EYA4: variants seen among roughly 807,000 people sequenced by gnomAD.
EYA4 encodes the protein protein phosphatase EYA4.
Under a neutral mutation model 87.9 loss-of-function variants are expected in EYA4, and 31 were observed. The ratio of observed to expected loss-of-function variants is 0.35; its 90% CI spans 0.27 to 0.48. The LOEUF (loss-of-function observed/expected upper bound fraction) is 0.48. Among genes scored for constraint, EYA4 ranks in the 20% least tolerant of loss-of-function variants. The pLI is 0.99. For missense variants in EYA4, 678 were observed against 761.4 expected, an observed-to-expected ratio of 0.89 and a Z score of 1.29; for synonymous variants, 263 against 270.6, an observed-to-expected ratio of 0.97 and a Z score of 0.28.
intron 2 of EYA4, among the ~76,000 whole-genome samples, chr6:133,306,484 AT>A (rs1387779910): frequency 6.6e-6 from 1 of 152,208 alleles, no homozygotes; most frequent in African/African-American, 2.4e-5. Context: ...GTTTTTCCAG[AT>A]GAAAAGTGTA....
rs908076894 is a variant in EYA4 at position 133,389,938 on chromosome 6, G to T, written c.83+7497G>T. ...CCTCACCTCTGAATGAATGCAGTAG[G>T]TCTTCACATGGCTTACAGGGTCTAG... On this transcript the variant is annotated intron_variant, in intron 3 of 19. Coordinates refer to ENST00000355286, the MANE Select transcript of EYA4 (RefSeq NM_004100.5). 1.8e-4 allele frequency among the ~76,000 whole-genome samples: 28 copies of T among 152,200 alleles called. 1 individual carries two copies. The highest frequency in any genetic ancestry group is 1.6e-3 in the Admixed American group (24 of 15,282).
At position 133,531,354 on chromosome 6, in the gene EYA4, T is replaced by G. The variant is rs1481527796; in HGVS notation, c.*2549T>G. On this transcript the variant is annotated 3_prime_UTR_variant, in exon 20 of 20. Transcript: ENST00000355286. Reference sequence around the variant, plus strand: ...AAACTAGAACTCTTCCCTTCCCACCTTAGGAATAGAAAATCCTCTTCCTTT... The same window carrying G: ...AAACTAGAACTCTTCCCTTCCCACCGTAGGAATAGAAAATCCTCTTCCTTT... 1.1e-5 allele frequency: 7 copies of G among 641,400 alleles called. No individual in the cohort carries two copies. In the Admixed American group the frequency reaches 1.2e-4, roughly 11 times the overall value. The allele number at this position is 641,400 out of a possible 1,614,324, so 39.7% of individuals were successfully genotyped here.
At chr6:133,368,565 C>T (rs930432182) in intron 2 of EYA4, among the ~76,000 whole-genome samples, 1 of 152,172 alleles carries the variant, frequency 6.6e-6, no homozygotes, top group Non-Finnish European at 1.5e-5. Flanking sequence ...GCTCCAACTG[C>T]TTGAAAGTAT....
Position 133,382,456 on chromosome 6 carries a change from A to G in EYA4, c.83+15A>G. On this transcript the variant is annotated intron_variant, in intron 3 of 19. Coordinates refer to ENST00000355286, the MANE Select transcript of EYA4 (RefSeq NM_004100.5). ...CAGAATTCCAGGTACAGTAAAATAA[A>G]GACCAAGACTCCCCTAAGGAGAATT... is the stretch of plus-strand genomic sequence containing the variant. 6.3e-7 allele frequency: 1 copy of G among 1,583,256 alleles called. No individual in the cohort carries two copies. The highest frequency in any genetic ancestry group is 8.7e-7 in the Non-Finnish European group (1 of 1,151,906).
chr6:133,272,463 G>T (rs1776776557), intron 1 of EYA4, among the ~76,000 whole-genome samples: 2 of 152,210 alleles, frequency 1.3e-5, no homozygotes, highest in South Asian at 4.1e-4. Flanking sequence ...TTTATGGCCA[G>T]ATGGGTCAGA....
At chr6:133,522,512 TG>T (rs1481639004) in intron 17 of EYA4, among the ~76,000 whole-genome samples, 2 of 152,118 alleles carry the variant, frequency 1.3e-5, no homozygotes, top group Non-Finnish European at 2.9e-5. Context: ...AATCTGTATA[TG>T]AACAGAAACA....
rs117787161 is a variant in EYA4 at position 133,421,235 on chromosome 6, G to A, written c.84-25395G>A. 1.0e-3 allele frequency among the ~76,000 whole-genome samples: 158 copies of A among 152,246 alleles called. 1 individual carries two copies. In the East Asian group the frequency reaches 0.023, roughly 22 times the overall value. On this transcript the variant is annotated intron_variant, in intron 3 of 19. Coordinates refer to ENST00000355286, the MANE Select transcript of EYA4 (RefSeq NM_004100.5). Reference sequence around the variant, plus strand: ...AGAACCACTGCTGTTCCTACTACACGCTGATTACAGTTGCACCTGGAGCCA... The same window carrying A: ...AGAACCACTGCTGTTCCTACTACACACTGATTACAGTTGCACCTGGAGCCA...
intron 1 of EYA4, among the ~76,000 whole-genome samples, chr6:133,262,852 T>C (rs1401722052): frequency 1.3e-5 from 2 of 152,238 alleles, no homozygotes; most frequent in Non-Finnish European, 1.5e-5. Flanking sequence ...TTTAAGGAGC[T>C]TGAAGTCAGG....
At chr6:133,509,743 T>C (rs1478593757) in intron 14 of EYA4, among the ~76,000 whole-genome samples, 1 of 152,226 alleles carries the variant, frequency 6.6e-6, no homozygotes, top group East Asian at 1.9e-4. Context: ...GGTCACTTTG[T>C]GAGACAAAAT....
chr6:133,318,875 T>C (rs1780829034), intron 2 of EYA4, among the ~76,000 whole-genome samples: 1 of 152,178 alleles, frequency 6.6e-6, no homozygotes, highest in Non-Finnish European at 1.5e-5. Context: ...CTATTCATGG[T>C]TTTTACGCAC....
At chr6:133,470,023 T>C (rs1185191182) in intron 11 of EYA4, among the ~76,000 whole-genome samples, 1 of 150,912 alleles carries the variant, frequency 6.6e-6, no homozygotes, top group African/African-American at 2.4e-5. Context: ...GCAAAAATTT[T>C]CTCCCATGTT....
chr6:133,495,497 G>A (rs1267564671), intron 13 of EYA4, among the ~76,000 whole-genome samples: 2 of 90,216 alleles, frequency 2.2e-5, no homozygotes, highest in Non-Finnish European at 4.7e-5. Flanking sequence ...GAAGAGAGAG[G>A]TAGGCAAGGG....
intron 11 of EYA4, among the ~76,000 whole-genome samples, chr6:133,469,647 T>C (rs1160070892): frequency 2.6e-5 from 4 of 151,826 alleles, no homozygotes; most frequent in Non-Finnish European, 4.4e-5. Context: ...GACATCTATA[T>C]GCAAAAGAGG....
chr6:133,254,188 GA>G (rs1775154157), intron 1 of EYA4, among the ~76,000 whole-genome samples: 1 of 152,146 alleles, frequency 6.6e-6, no homozygotes, highest in South Asian at 2.1e-4. Flanking sequence ...ATTTCTCGTT[GA>G]GGTTTATGGT....
rs535743704 is a variant in EYA4 at position 133,296,434 on chromosome 6, G to C, written c.33+21621G>C. On this transcript the variant is annotated intron_variant, in intron 2 of 19. Coordinates refer to ENST00000355286, the MANE Select transcript of EYA4 (RefSeq NM_004100.5). ...GGGAAGGATCCAGGAGACCAGTTGG[G>C]AGGCTGTTGCAGTAGTTCAGGCATG... Among the ~76,000 whole-genome samples, 22 of 152,306 alleles carry C rather than the reference G, an allele frequency of 1.4e-4. No homozygotes were observed. In the East Asian group the frequency reaches 4.1e-3, roughly 28 times the overall value.
intron 14 of EYA4, among the ~76,000 whole-genome samples, chr6:133,511,482 TA>T (rs1799132874): frequency 1.3e-5 from 2 of 151,298 alleles, no homozygotes; most frequent in African/African-American, 4.8e-5. Context: ...AATTTATTTT[TA>T]TTTATTATAT....
intron 14 of EYA4, chr6:133,510,549 CA>C: frequency 4.1e-6 from 1 of 245,894 alleles, no homozygotes; most frequent in South Asian, 4.9e-5. Context: ...CCCAGTCCAG[CA>C]GTTACTATCA....
intron 10 of EYA4, 92 bp downstream of exon 10, chr6:133,464,950 G>T (rs945702546): frequency 3.9e-6 from 3 of 761,978 alleles, no homozygotes; most frequent in African/African-American, 3.5e-5. Flanking sequence ...TACTCTCCCA[G>T]AATAAGGTTT....
intron 2 of EYA4, among the ~76,000 whole-genome samples, chr6:133,294,359 GTTTTTGTTT>G (rs1324784338): frequency 7.6e-5 from 11 of 144,310 alleles, no homozygotes; most frequent in Admixed American, 6.3e-4. Context: ...TTTTTGTTTT[GTTTTTGTTT>G]TTTTTGTTTT....
Sources: gnomAD v4.1 joint callset for allele counts (sites outside exome capture counted in the v4.1 genomes callset) on GRCh38, gnomAD v4.1.1 for gene constraint, MANE v1.5 for transcripts, NCBI Gene and HGNC (gene_info 2026-07-23, HGNC 2026-07-21) for gene names.